TXLNG: variants seen among roughly 807,000 people sequenced by gnomAD.
TXLNG encodes taxilin gamma.
A neutral mutation model predicts 38.8 loss-of-function variants in TXLNG; 5 were observed. The observed-to-expected ratio is 0.13, with a 90% CI of 0.07 to 0.27. The LOEUF (loss-of-function observed/expected upper bound fraction) is 0.27, where lower values mean the gene tolerates loss of function less well. TXLNG is among the 10% of genes least tolerant of loss of function. The pLI is 1.00. For synonymous variants in TXLNG, 182 were observed against 158.2 expected (o/e 1.15, Z -1.13); for missense variants, 393 against 398.2 (o/e 0.99, Z 0.11).
At chrX:16,826,635 T>A in intron 3 of TXLNG, among the ~76,000 whole-genome samples, 1 of 111,303 alleles carries the variant, frequency 9.0e-6, no homozygotes, top group African/African-American at 3.3e-5. Flanking sequence ...AAGCATCATT[T>A]AAAAAAACAA....
At chrX:16,840,548 C>T (rs1207357444) in intron 9 of TXLNG, 59 of 541,031 alleles carry the variant, frequency 1.1e-4, no homozygotes, top group East Asian at 1.8e-4. Flanking sequence ...CCGACGCAGG[C>T]GGATCATGAG....
Position 16,841,442 on chromosome X carries a change from T to C in TXLNG, c.1263T>C (p.Asp421=), listed in dbSNP as rs145754483. 73 of 1,200,820 alleles carry C rather than the reference T, an allele frequency of 6.1e-5. No individual in the cohort carries two copies. Among genetic ancestry groups the C allele is most frequent in the Non-Finnish European group, 7.4e-5 (66 of 891,276 alleles). The change falls in exon 10 of 10, where the codon GAT becomes GAC. Residue 421 remains aspartate, a synonymous_variant. Transcript: ENST00000380122. Reference sequence around the variant, plus strand: ...TTTTCTTACAGAAAACAGTCCGTGATAAAGAGTACAAGGCCCTTCAAATAA... The same window carrying C: ...TTTTCTTACAGAAAACAGTCCGTGACAAAGAGTACAAGGCCCTTCAAATAA... The part of the protein sequence containing the change: ...LQMAEEKTVR[D]KEYKALQIKL...
At chrX:16,825,274 A>T (rs1316168542) in intron 3 of TXLNG, among the ~76,000 whole-genome samples, 1 of 112,220 alleles carries the variant, frequency 8.9e-6, no homozygotes, top group Admixed American at 9.5e-5. Flanking sequence ...ATGTGGATCT[A>T]CGTGGTCTCT....
At chrX:16,801,954 T>C (rs186467361) in intron 1 of TXLNG, among the ~76,000 whole-genome samples, 167 of 88,749 alleles carry the variant, frequency 1.9e-3, no homozygotes, top group Admixed American at 4.2e-3. Flanking sequence ...TTCTTTCTTT[T>C]TTTTTTTTTT....
intron 3 of TXLNG, among the ~76,000 whole-genome samples, chrX:16,826,102 C>T (rs3788872): frequency 7.2e-5 from 8 of 110,986 alleles, no homozygotes; most frequent in Admixed American, 3.8e-4. Flanking sequence ...GAAAGGAAAG[C>T]GAAGGAATAA....
In TXLNG at chrX:16,786,485, C is replaced by T. The variant is rs369629806; in HGVS notation, c.-3C>T. ...CCGCTTGTTTGGCTGCTGCCGTCAC[C>T]TCATGGCGACGCGGGTAGAGGAGGC... On this transcript the variant is annotated 5_prime_UTR_variant, in exon 1 of 10. Coordinates refer to ENST00000380122, the MANE Select transcript of TXLNG (RefSeq NM_018360.3). 3.6e-6 allele frequency: 4 copies of T among 1,116,794 alleles called. No homozygotes were observed. The African/African-American group carries it at 7.6e-5, about 21-fold the overall frequency. 92.0% of individuals were successfully genotyped at this position (1,116,794 alleles called of 1,213,427 possible).
At chrX:16,828,356 ACTTG>A in intron 4 of TXLNG, 92 bp downstream of exon 4, 9 of 901,632 alleles carry the variant, frequency 1.0e-5, no homozygotes, top group Non-Finnish European at 1.2e-5. Flanking sequence ...CCTTGTCTCT[ACTTG>A]GAGACAGATA....
At chrX:16,787,875 A>G (rs1427514275) in intron 1 of TXLNG, among the ~76,000 whole-genome samples, 2 of 112,612 alleles carry the variant, frequency 1.8e-5, no homozygotes, top group Middle Eastern at 4.2e-3. Context: ...AAATGGGAGA[A>G]CAAAGGTCCA....
Position 16,829,561 on chromosome X carries a change from A to G in TXLNG, c.670-15A>G, listed in dbSNP as rs761245300. 8.3e-7 allele frequency: 1 copy of G among 1,204,678 alleles called. No homozygotes were observed. Among genetic ancestry groups the G allele is most frequent in the Admixed American group, 2.2e-5 (1 of 45,121 alleles). On this transcript the variant is annotated splice_polypyrimidine_tract_variant and intron_variant, in intron 4 of 9. Transcript: ENST00000380122. ...TAGGTCTGTATTATTAACAAAAATTATTTTGGGTAATAAGGAGGAAAATAT... is the reference window on the plus strand; with the variant it reads ...TAGGTCTGTATTATTAACAAAAATTGTTTTGGGTAATAAGGAGGAAAATAT...
chrX:16,802,738 AAAAT>A (rs1347036158), intron 1 of TXLNG, among the ~76,000 whole-genome samples: 1 of 111,656 alleles, frequency 9.0e-6, no homozygotes, highest in Non-Finnish European at 1.9e-5. Context: ...TCTTTTTTAA[AAAAT>A]AAAAGTAATA....
chrX:16,804,801 G>A (rs762386535), intron 1 of TXLNG, among the ~76,000 whole-genome samples: 2 of 108,812 alleles, frequency 1.8e-5, no homozygotes, highest in South Asian at 7.9e-4. Flanking sequence ...ACATTATGTA[G>A]CGGTGAAATC....
rs1244855917 is a variant in TXLNG at position 16,843,633 on chromosome X, C to G, written c.*1867C>G. 8.9e-6 allele frequency: 1 copy of G among 112,047 alleles called. No individual in the cohort carries two copies. The highest frequency in any genetic ancestry group is 1.9e-5 in the Non-Finnish European group (1 of 53,262). The allele number at this position is 112,047 out of a possible 1,213,427, so 9.2% of individuals were successfully genotyped here. The stretch of plus-strand genomic sequence containing the variant: ...CACAAGAACTCTGCTGGATGTACAG[C>G]TCTTAACATTTTATTAAGCCATTTG... On this transcript the variant is annotated 3_prime_UTR_variant, in exon 10 of 10. Coordinates refer to ENST00000380122, the MANE Select transcript of TXLNG (RefSeq NM_018360.3).
intron 1 of TXLNG, among the ~76,000 whole-genome samples, chrX:16,816,225 A>G (rs1158714702): frequency 9.2e-6 from 1 of 109,216 alleles, no homozygotes; most frequent in Non-Finnish European, 1.9e-5. Flanking sequence ...TGAACTCCTG[A>G]CCTCAAGTGA....
chrX:16,792,786 T>A (rs1305271119), intron 1 of TXLNG, among the ~76,000 whole-genome samples: 3 of 104,918 alleles, frequency 2.9e-5, no homozygotes, highest in African/African-American at 3.5e-5. Flanking sequence ...CTCTAAAAAA[T>A]AATAATAATA....
In TXLNG at chrX:16,832,668, G is replaced by A. The variant is rs769513453; in HGVS notation, c.910G>A (p.Val304Met). Residue 304 changes from valine to methionine, a missense_variant, in exon 6 of 10, where the codon GTG (valine) becomes ATG (methionine). Transcript: ENST00000380122. ...ACATAAGGAACTGCAACAGCAGCTCGTGGATGCCAAACTGCAGCAAACGAC... is the reference window on the plus strand; with the variant it reads ...ACATAAGGAACTGCAACAGCAGCTCATGGATGCCAAACTGCAGCAAACGAC... ...FKHKELQQQL[V>M]DAKLQQTTQL... The A allele has an allele frequency of 8.3e-7, 1 of 1,210,595 alleles. No individual in the cohort carries two copies.
intron 3 of TXLNG, among the ~76,000 whole-genome samples, chrX:16,821,808 G>A (rs958560867): frequency 1.9e-5 from 2 of 106,639 alleles, no homozygotes; most frequent in Non-Finnish European, 3.9e-5. Context: ...GGCTAACACG[G>A]TGAAACCCTG....
intron 4 of TXLNG, among the ~76,000 whole-genome samples, chrX:16,829,309 G>A (rs758118838): frequency 2.9e-4 from 32 of 111,587 alleles, no homozygotes; most frequent in Non-Finnish European, 5.8e-4. Flanking sequence ...CTGTGTAACC[G>A]GCGAGTATTG....
chrX:16,798,276 CTTTT>C lies in TXLNG; in HGVS notation c.102+11689_102+11692del, dbSNP rs923222806. Among the ~76,000 whole-genome samples the C allele has an allele frequency of 4.5e-5, 5 of 112,305 alleles. No homozygotes were observed. In the Admixed American group the frequency reaches 4.7e-4, roughly 11 times the overall value. ...TCACCACTGATCTCATCAGAAAAGT[CTTTT>C]TAAGTATTGGGAAGCTGTTTAGCTC... On this transcript the variant is annotated intron_variant, in intron 1 of 9. Transcript: ENST00000380122.
intron 3 of TXLNG, among the ~76,000 whole-genome samples, chrX:16,821,888 G>A (rs1298010481): frequency 9.1e-6 from 1 of 109,869 alleles, no homozygotes; most frequent in African/African-American, 3.3e-5. Flanking sequence ...CAGCTACTCG[G>A]GAGGCTGAGG....
Sources: gnomAD v4.1 joint callset for allele counts (sites outside exome capture counted in the v4.1 genomes callset) on GRCh38, gnomAD v4.1.1 for gene constraint, MANE v1.5 for transcripts, NCBI Gene and HGNC (gene_info 2026-07-23, HGNC 2026-07-21) for gene names.